SH3GL1: variants seen among roughly 807,000 people sequenced by gnomAD.
The protein encoded by SH3GL1 is SH3 domain containing GRB2 like 1, endophilin A2.
SH3GL1 carries 21 observed loss-of-function variants against 48.8 expected under a neutral mutation model. The observed-to-expected ratio is 0.43, with a 90% CI of 0.30 to 0.62. The LOEUF is 0.62. Among genes scored for constraint, SH3GL1 ranks in the 20% least tolerant of loss-of-function variants. SH3GL1 has a pLI of 0.11. For missense variants in SH3GL1, 454 were observed against 503.0 expected, an observed-to-expected ratio of 0.90 and a Z score of 0.93; for synonymous variants, 282 against 217.5, an observed-to-expected ratio of 1.30 and a Z score of -2.61.
At chr19:4,377,259 G>A (rs1973027487) in intron 1 of SH3GL1, among the ~76,000 whole-genome samples, 1 of 152,246 alleles carries the variant, frequency 6.6e-6, no homozygotes, top group African/African-American at 2.4e-5. Context: ...GGGCGGATAG[G>A]ACACGGGAGA....
At chr19:4,398,253 T>C (rs1973458515) in intron 1 of SH3GL1, among the ~76,000 whole-genome samples, 1 of 152,162 alleles carries the variant, frequency 6.6e-6, no homozygotes. Flanking sequence ...CAGAGAACCC[T>C]GTTTGCCACC....
At position 4,365,666 on chromosome 19, in the gene SH3GL1, G is replaced by A. The variant is rs781489187; in HGVS notation, c.188-41C>T. 1.3e-5 allele frequency: 21 copies of A among 1,610,636 alleles called. No individual in the cohort carries two copies. In the South Asian group the frequency reaches 2.2e-4, roughly 17 times the overall value. On this transcript the variant is annotated intron_variant, in intron 3 of 9. Transcript: ENST00000269886. ...CAGGTGGGTGTGGGCTGTGAGGCCT[G>A]CACTCCTCTGCCCTGGCAGACTGCA...
chr19:4,368,236 T>C (rs1252762271), intron 1 of SH3GL1, among the ~76,000 whole-genome samples: 2 of 152,318 alleles, frequency 1.3e-5, no homozygotes, highest in South Asian at 2.1e-4. Flanking sequence ...AGGGATGCCA[T>C]GAGGGTCCGT....
intron 1 of SH3GL1, among the ~76,000 whole-genome samples, chr19:4,368,124 G>A (rs1173894715): frequency 6.6e-6 from 1 of 152,260 alleles, no homozygotes; most frequent in East Asian, 1.9e-4. Context: ...GGCCTGGGCA[G>A]GAGAGTGAGG....
rs1972581664 is a variant in SH3GL1 at position 4,360,655 on chromosome 19, A to AGAT, written c.*942_*944dup. 4.3e-6 allele frequency: 1 copy of AGAT among 233,296 alleles called. No individual in the cohort carries two copies. The highest frequency in any genetic ancestry group is 2.2e-5 in the African/African-American group (1 of 45,304). 14.5% of individuals were successfully genotyped at this position (233,296 alleles called of 1,614,324 possible). On this transcript the variant is annotated 3_prime_UTR_variant, in exon 10 of 10. Transcript: ENST00000269886. ...GGGGCTGCCTGCCTTGGTCTAGAGG[A>AGAT]GATGGCTGGGGCCACTTCCCACAGG...
chr19:4,391,656 G>T (rs949985382), intron 1 of SH3GL1, among the ~76,000 whole-genome samples: 2 of 152,204 alleles, frequency 1.3e-5, no homozygotes, highest in Non-Finnish European at 2.9e-5. Context: ...CCTGTGAAGG[G>T]GGCCAGGTGA....
chr19:4,367,002 A>G lies in SH3GL1; in HGVS notation c.46-8T>C, dbSNP rs754740203. ...GACCTTCTCACTGACCAGCTAGAGG[A>G]CAGAAGAGGGGAAACGCTGTGAGCC... On this transcript the variant is annotated splice_region_variant and splice_polypyrimidine_tract_variant and intron_variant, in intron 1 of 9. Transcript: ENST00000269886. The surrounding 1 kb of genome is among the most constrained non-coding windows in gnomAD (Gnocchi z 4.2). The G allele has an allele frequency of 6.2e-7, 1 of 1,613,694 alleles. No homozygotes were observed. Among genetic ancestry groups the G allele is most frequent in the Admixed American group, 1.7e-5 (1 of 60,012 alleles).
intron 8 of SH3GL1, 55 bp downstream of exon 8, chr19:4,362,557 G>A: frequency 2.5e-6 from 4 of 1,609,846 alleles, no homozygotes; most frequent in Non-Finnish European, 3.4e-6. Flanking sequence ...GCCAGCCCTT[G>A]GCCACTCCCA....
Position 4,364,909 on chromosome 19 carries a change from TATATA to T in SH3GL1, c.331+568_331+572del, listed in dbSNP as rs1474070828. On this transcript the variant is annotated intron_variant, in intron 4 of 9. Coordinates refer to ENST00000269886, the MANE Select transcript of SH3GL1 (RefSeq NM_003025.4). ...GTGTGTGTGTGTGTGTATATATATA[TATATA>T]TATTTTTTTTTTTTTAGTAGAAGCG... is the stretch of plus-strand genomic sequence containing the variant. Among the ~76,000 whole-genome samples, 57 of 137,596 alleles carry T rather than the reference TATATA, an allele frequency of 4.1e-4. 2 individuals are homozygous for T. In the South Asian group the frequency reaches 0.012, roughly 29 times the overall value. The allele number at this position is 137,596 out of a possible 152,430, so 90.3% of individuals were successfully genotyped here. A position where few individuals can be genotyped will look rare whatever the true frequency, so the allele number is the denominator to read the frequency against.
chr19:4,395,108 G>A (rs1025242246), intron 1 of SH3GL1, among the ~76,000 whole-genome samples: 1 of 152,208 alleles, frequency 6.6e-6, no homozygotes, highest in African/African-American at 2.4e-5. Context: ...GCTGTGTATG[G>A]AACCATTGTG....
rs1448801729 is a variant in SH3GL1 at position 4,367,105 on chromosome 19, G to C, written c.46-111C>G. ...ATCGCATCCACAGCTGGAGGCAGGA[G>C]GCCAAGTGATCAGGACACACACCTC... is the stretch of plus-strand genomic sequence containing the variant. On this transcript the variant is annotated intron_variant, in intron 1 of 9. Transcript: ENST00000269886. The surrounding 1 kb of genome is among the most constrained non-coding windows in gnomAD (Gnocchi z 4.2). 1 of 976,950 alleles carries C rather than the reference G, an allele frequency of 1.0e-6. No homozygotes were observed. The highest frequency in any genetic ancestry group is 1.7e-6 in the Non-Finnish European group (1 of 604,984). The allele number at this position is 976,950 out of a possible 1,614,324, so 60.5% of individuals were successfully genotyped here. A position where few individuals can be genotyped will look rare whatever the true frequency, so the allele number is the denominator to read the frequency against.
intron 1 of SH3GL1, among the ~76,000 whole-genome samples, chr19:4,381,451 A>C (rs1381888576): frequency 0.025 from 538 of 21,352 alleles, no homozygotes; most frequent in Admixed American, 0.03. Context: ...CTGTCCCCCT[A>C]CCTCTGTCTC....
chr19:4,363,330 G>A, intron 7 of SH3GL1, 40 bp downstream of exon 7: 1 of 1,482,686 alleles, frequency 6.7e-7, no homozygotes, highest in Non-Finnish European at 9.2e-7. Context: ...GAGGGCGCAT[G>A]GCAGCCCAGA....
In SH3GL1 at chr19:4,367,005, G is replaced by C; in HGVS notation, c.46-11C>G. The C allele has an allele frequency of 6.2e-7, 1 of 1,613,694 alleles. No homozygotes were observed. Among genetic ancestry groups the C allele is most frequent in the Non-Finnish European group, 8.5e-7 (1 of 1,179,632 alleles). ...CTTCTCACTGACCAGCTAGAGGACA[G>C]AAGAGGGGAAACGCTGTGAGCCCAG... is the stretch of plus-strand genomic sequence containing the variant. On this transcript the variant is annotated splice_polypyrimidine_tract_variant and intron_variant, in intron 1 of 9. Coordinates refer to ENST00000269886, the MANE Select transcript of SH3GL1 (RefSeq NM_003025.4). The surrounding 1 kb of genome is among the most constrained non-coding windows in gnomAD (Gnocchi z 4.2).
chr19:4,372,650 G>A (rs955300714), intron 1 of SH3GL1, among the ~76,000 whole-genome samples: 3 of 152,158 alleles, frequency 2.0e-5, no homozygotes, highest in Non-Finnish European at 4.4e-5. Flanking sequence ...CTTCCCTGCT[G>A]GCCCAACACC....
At chr19:4,381,073 GCCTCTCTCTGTCC>G (rs1050571537) in intron 1 of SH3GL1, among the ~76,000 whole-genome samples, 18 of 63,798 alleles carry the variant, frequency 2.8e-4, no homozygotes, top group East Asian at 2.1e-3. Context: ...CTGTCCCCCT[GCCTCTCTCTGTCC>G]CCTCTCTCTG....
At chr19:4,371,777 C>T (rs1010598658) in intron 1 of SH3GL1, among the ~76,000 whole-genome samples, 2 of 152,190 alleles carry the variant, frequency 1.3e-5, no homozygotes, top group African/African-American at 4.8e-5. Flanking sequence ...CTGGTGTCTG[C>T]CTGCCCGTCG....
chr19:4,365,734 A>G (rs907682585), intron 3 of SH3GL1, 109 bp from the exon 4 acceptor site: 36 of 1,475,894 alleles, frequency 2.4e-5, no homozygotes, highest in Non-Finnish European at 3.3e-5. Flanking sequence ...GTGCCTGTGG[A>G]CAGCCTAGGC....
chr19:4,377,639 A>C (rs1973036308), intron 1 of SH3GL1, among the ~76,000 whole-genome samples: 2 of 152,232 alleles, frequency 1.3e-5, no homozygotes, highest in Middle Eastern at 3.2e-3. Flanking sequence ...TGCGAGCATT[A>C]GGTGCCAGCA....
Sources: allele counts gnomAD v4.1 joint callset (sites outside exome capture counted in the v4.1 genomes callset), GRCh38; gene constraint gnomAD v4.1.1; non-coding constraint Gnocchi (gnomAD v3.1); transcripts MANE v1.5; gene names NCBI Gene and HGNC (gene_info 2026-07-23, HGNC 2026-07-21).